The following SHROOM4 variants were observed in gnomAD, a reference collection of about 807,000 sequenced individuals.
SHROOM4 encodes shroom family member 4, also known as protein Shroom4.
A neutral mutation model predicts 80.3 loss-of-function variants in SHROOM4; 17 were observed. That is an observed-to-expected ratio of 0.21 (90% CI 0.14 to 0.32). The LOEUF (loss-of-function observed/expected upper bound fraction) is 0.32, where lower values mean the gene tolerates loss of function less well. SHROOM4 is among the 10% of genes least tolerant of loss of function. SHROOM4 has a pLI of 1.00. For missense variants in SHROOM4, 993 were observed against 1,140.3 expected, an observed-to-expected ratio of 0.87 and a Z score of 1.86; for synonymous variants, 400 against 437.5, an observed-to-expected ratio of 0.91 and a Z score of 1.07.
intron 2 of SHROOM4, among the ~76,000 whole-genome samples, chrX:50,668,676 C>A (rs1228893666): frequency 8.9e-6 from 1 of 111,819 alleles, no homozygotes; most frequent in Non-Finnish European, 1.9e-5. Context: ...TGATAAAGCA[C>A]CCATTATAAA....
At chrX:50,605,959 T>A (rs1248773523) in intron 6 of SHROOM4, among the ~76,000 whole-genome samples, 1 of 112,221 alleles carries the variant, frequency 8.9e-6, no homozygotes, top group Admixed American at 9.4e-5. Context: ...CCCTTTTCCC[T>A]GCTATGATAG....
intron 1 of SHROOM4, among the ~76,000 whole-genome samples, chrX:50,774,235 T>C (rs983783614): frequency 9.0e-6 from 1 of 111,387 alleles, no homozygotes; most frequent in Non-Finnish European, 1.9e-5. Context: ...TACAAATGTA[T>C]TGGTTACAGA....
At chrX:50,674,992 T>C (rs1932837554) in intron 2 of SHROOM4, among the ~76,000 whole-genome samples, 1 of 111,998 alleles carries the variant, frequency 8.9e-6, no homozygotes, top group Admixed American at 9.5e-5. Flanking sequence ...AGCAGAGACT[T>C]AGCAGGTAAA....
chrX:50,729,797 C>T (rs1175516070), intron 1 of SHROOM4, among the ~76,000 whole-genome samples: 2 of 110,816 alleles, frequency 1.8e-5, no homozygotes, highest in Non-Finnish European at 3.8e-5. Flanking sequence ...CAGTGAACTT[C>T]TCAATAGAAA....
chrX:50,747,553 T>A (rs1275131092), intron 1 of SHROOM4, among the ~76,000 whole-genome samples: 1 of 112,175 alleles, frequency 8.9e-6, no homozygotes, highest in Non-Finnish European at 1.9e-5. Context: ...AATGTAGAAC[T>A]CTAACTCAGT....
chrX:50,696,270 T>G (rs1933367572), intron 1 of SHROOM4, among the ~76,000 whole-genome samples: 1 of 111,835 alleles, frequency 8.9e-6, no homozygotes, highest in South Asian at 3.8e-4. Flanking sequence ...TACCAAAACG[T>G]GCAGACAAAT....
chrX:50,704,443 T>G (rs1933602972), intron 1 of SHROOM4, among the ~76,000 whole-genome samples: 1 of 111,895 alleles, frequency 8.9e-6, no homozygotes, highest in Non-Finnish European at 1.9e-5. Flanking sequence ...CTACTGAATG[T>G]GAGTGAGTTG....
intron 1 of SHROOM4, among the ~76,000 whole-genome samples, chrX:50,792,607 T>C (rs1271228246): frequency 4.5e-5 from 5 of 110,316 alleles, no homozygotes; most frequent in East Asian, 2.8e-4. Flanking sequence ...AAGGAACTTA[T>C]ACAACTCAAC....
chrX:50,599,177 C>T (rs1303056660), intron 7 of SHROOM4, among the ~76,000 whole-genome samples: 1 of 111,295 alleles, frequency 9.0e-6, no homozygotes, highest in Non-Finnish European at 1.9e-5. Flanking sequence ...TAAATAGGAG[C>T]TACAGTCCTT....
Position 50,591,291 on chromosome X carries a change from G to A in SHROOM4, c.*5404C>T, listed in dbSNP as rs1402171728. On this transcript the variant is annotated 3_prime_UTR_variant, in exon 9 of 9. Coordinates refer to ENST00000376020, the MANE Select transcript of SHROOM4 (RefSeq NM_020717.5). ...CCTTGTGTCTGTACCACACTGTCTT[G>A]ATTACTGTAGTTTTGCAGTAAGTTT... Among the ~76,000 whole-genome samples the A allele has an allele frequency of 8.9e-6, 1 of 112,042 alleles. No homozygotes were observed. The highest frequency in any genetic ancestry group is 3.2e-5 in the African/African-American group (1 of 30,846).
chrX:50,792,392 G>C (rs1935870727), intron 1 of SHROOM4, among the ~76,000 whole-genome samples: 1 of 110,247 alleles, frequency 9.1e-6, no homozygotes, highest in African/African-American at 3.3e-5. Context: ...TGTAATCCCA[G>C]CTATTTGGGA....
At chrX:50,792,344 C>T (rs782644299) in intron 1 of SHROOM4, among the ~76,000 whole-genome samples, 1 of 110,202 alleles carries the variant, frequency 9.1e-6, no homozygotes, top group South Asian at 3.9e-4. Flanking sequence ...ACTAAAAATA[C>T]AAAAAAAGAA....
chrX:50,582,421 C>A (rs1489354223), downstream of SHROOM4, among the ~76,000 whole-genome samples: 3 of 112,181 alleles, frequency 2.7e-5, no homozygotes, highest in Non-Finnish European at 3.8e-5. Flanking sequence ...CTCCTCAGCA[C>A]TTCAACCCCT....
chrX:50,638,219 G>A lies in SHROOM4; in HGVS notation c.359C>T (p.Pro120Leu), dbSNP rs1931440265. 8.3e-7 allele frequency: 1 copy of A among 1,209,996 alleles called. No homozygotes were observed. The highest frequency in any genetic ancestry group is 1.1e-6 in the Non-Finnish European group (1 of 894,670). Residue 120 changes from proline to leucine, a missense_variant, in exon 3 of 9, where the codon CCT becomes CTT. Coordinates refer to ENST00000376020, the MANE Select transcript of SHROOM4 (RefSeq NM_020717.5). Reference protein sequence around the residue: ...CPEAATTMHFPSEAFSLSWHS... With the variant: ...CPEAATTMHFLSEAFSLSWHS... ...CCAGGACAAGCTGAAGGCTTCAGAA[G>A]GGAAATGCATGGTGGTGGCTGCTTC...
At chrX:50,669,061 T>C (rs1289130512) in intron 2 of SHROOM4, among the ~76,000 whole-genome samples, 1 of 112,525 alleles carries the variant, frequency 8.9e-6, no homozygotes, top group African/African-American at 3.2e-5. Flanking sequence ...TGCTAAAAAA[T>C]GTTAATGATC....
intron 2 of SHROOM4, among the ~76,000 whole-genome samples, chrX:50,662,544 A>G (rs1271842223): frequency 8.9e-5 from 10 of 111,782 alleles, no homozygotes; most frequent in African/African-American, 3.2e-4. Flanking sequence ...ACAAATTTCT[A>G]GAAAGTGCTC....
At chrX:50,664,300 T>A (rs1932619626) in intron 2 of SHROOM4, among the ~76,000 whole-genome samples, 1 of 112,460 alleles carries the variant, frequency 8.9e-6, no homozygotes. Context: ...CTTTCATTTT[T>A]ATTTTTTAAA....
intron 5 of SHROOM4, among the ~76,000 whole-genome samples, chrX:50,627,166 T>C (rs1930836461): frequency 8.9e-6 from 1 of 111,775 alleles, no homozygotes; most frequent in Non-Finnish European, 1.9e-5. Flanking sequence ...ATGATTTGAA[T>C]GGGGTCTAGA....
At chrX:50,800,427 C>CAAAGACAGCTACTGGAAAATCAGAA (rs1936094934) in intron 1 of SHROOM4, among the ~76,000 whole-genome samples, 1 of 111,690 alleles carries the variant, frequency 9.0e-6, no homozygotes, top group Non-Finnish European at 1.9e-5. Flanking sequence ...CCAAAGTACC[C>CAAAGACAGCTACTGGAAAATCAGAA]AAAGACAGCT....
Sources: gnomAD v4.1 joint callset for allele counts (sites outside exome capture counted in the v4.1 genomes callset) on GRCh38, gnomAD v4.1.1 for gene constraint, MANE v1.5 for transcripts, NCBI Gene and HGNC (gene_info 2026-07-23, HGNC 2026-07-21) for gene names.